The following GNPDA1 variants were observed in gnomAD, a reference collection of about 807,000 sequenced individuals.
The protein encoded by GNPDA1 is GNPDA 1.
In GNPDA1, 24 loss-of-function variants were observed where a neutral mutation model predicts 28.5. The observed-to-expected ratio is 0.84, with a 90% CI of 0.61 to 1.19. The LOEUF (loss-of-function observed/expected upper bound fraction) is 1.19, where lower values mean the gene tolerates loss of function less well. Among genes scored for constraint, GNPDA1 ranks in the 50% most tolerant of loss-of-function variants. The probability of loss-of-function intolerance (pLI) is 0.00; values close to 1 mark genes in which losing one functional copy is unlikely to be tolerated. For synonymous variants in GNPDA1, 147 were observed against 139.3 expected (o/e 1.06, Z -0.39); for missense variants, 264 against 367.3 (o/e 0.72, Z 2.30).
chr5:142,005,230 C>T, intron 4 of GNPDA1, 114 bp from the exon 5 acceptor site: 1 of 786,814 alleles, frequency 1.3e-6, no homozygotes. Context: ...AAAGCTGTGT[C>T]ACCTTTCTCA....
rs1187246142 is a variant in GNPDA1 at position 142,006,276 on chromosome 5, AGTT to A, written c.274_276del (p.Asn92del). ...GGGTGGATGTCAATGTGCTTGAAGA[AGTT>A]GTTCCACATGAAGGAGTGGTAACTC... On this transcript the variant is annotated inframe_deletion, in exon 4 of 7. Coordinates refer to ENST00000311337, the MANE Select transcript of GNPDA1 (RefSeq NM_005471.5). The A allele has an allele frequency of 6.2e-7, 1 of 1,614,098 alleles. No individual in the cohort carries two copies. Among genetic ancestry groups the A allele is most frequent in the Non-Finnish European group, 8.5e-7 (1 of 1,179,960 alleles).
chr5:142,009,536 C>G (rs980909959), intron 2 of GNPDA1, among the ~76,000 whole-genome samples: 1 of 152,132 alleles, frequency 6.6e-6, no homozygotes, highest in African/African-American at 2.4e-5. Flanking sequence ...ATTGCTGTAT[C>G]CTTAGAGGCT....
In GNPDA1 at chr5:142,006,205, T is replaced by G; in HGVS notation, c.348A>C (p.Ala116=). ...TCTTCTCTTCAAAGGCATCACATTC[T>G]GCCTGTAGGTCGACTGCATTCCCAT... ...ILDGNAVDLQ[A]ECDAFEEKIK... is the part of the protein sequence containing the mutation. Residue 116 remains alanine (A), a synonymous_variant, in exon 4 of 7, where the codon GCA becomes GCC. Transcript: ENST00000311337. 7 of 1,614,220 alleles carry G rather than the reference T, an allele frequency of 4.3e-6. No individual in the cohort carries two copies. Among genetic ancestry groups the G allele is most frequent in the Non-Finnish European group, 5.9e-6 (7 of 1,180,022 alleles).
At chr5:142,002,996 TA>T in intron 6 of GNPDA1, 91 bp downstream of exon 6, 1 of 1,009,556 alleles carries the variant, frequency 9.9e-7, no homozygotes, top group Non-Finnish European at 1.5e-6. Context: ...AGTTGTCAAT[TA>T]AAATGACCAG....
Position 142,005,006 on chromosome 5 carries a change from A to C in GNPDA1, c.520T>G (p.Phe174Val), listed in dbSNP as rs1257210564. 6.2e-7 allele frequency: 1 copy of C among 1,613,526 alleles called. No homozygotes were observed. Among genetic ancestry groups the C allele is most frequent in the African/African-American group, 1.3e-5 (1 of 74,918 alleles). Residue 174 changes from phenylalanine to valine, a missense_variant, in exon 5 of 7, where the codon TTC becomes GTC. Phe to Val is a conservative substitution (Grantham distance 50). Transcript: ENST00000311337. ...GGCACCTTGGTGAGTTCTCCATCGA[A>C]GAACCTAGCATTGGCCAGGATGGTA... ...MDTILANARF[F>V]DGELTKVPTM...
intron 5 of GNPDA1, among the ~76,000 whole-genome samples, chr5:142,004,375 A>C (rs577919416): frequency 1.3e-5 from 2 of 152,396 alleles, no homozygotes; most frequent in East Asian, 3.8e-4. Context: ...AAATGCTTCT[A>C]AAGTTCTAAT....
In GNPDA1 at chr5:142,006,266, T is replaced by G. The variant is rs779438309; in HGVS notation, c.287A>C (p.His96Pro). The change falls in exon 4 of 7, where the codon CAC becomes CCC. Residue 96 changes from histidine to proline, a missense_variant. Transcript: ENST00000311337. Reference protein sequence around the residue: ...HSFMWNNFFKHIDIHPENTHI... With the variant: ...HSFMWNNFFKPIDIHPENTHI... ...GGTGTTTTCTGGGTGGATGTCAATG[T>G]GCTTGAAGAAGTTGTTCCACATGAA... The G allele has an allele frequency of 1.2e-6, 2 of 1,613,986 alleles. No homozygotes were observed. Among genetic ancestry groups the G allele is most frequent in the African/African-American group, 2.7e-5 (2 of 74,946 alleles).
chr5:142,009,783 T>C (rs1755899199), intron 2 of GNPDA1, among the ~76,000 whole-genome samples: 2 of 152,196 alleles, frequency 1.3e-5, no homozygotes, highest in South Asian at 4.1e-4. Context: ...GGAGTTGGTT[T>C]CTGTGGTTTC....
chr5:142,006,359 G>T (rs912751027), intron 3 of GNPDA1, 33 bp from the exon 4 acceptor site: 4 of 1,552,302 alleles, frequency 2.6e-6, no homozygotes, highest in Non-Finnish European at 3.5e-6. Flanking sequence ...GTTATGCCTA[G>T]GCCAAGCCAA....
At chr5:142,009,708 T>C (rs1755897531) in intron 2 of GNPDA1, among the ~76,000 whole-genome samples, 1 of 152,182 alleles carries the variant, frequency 6.6e-6, no homozygotes, top group Non-Finnish European at 1.5e-5. Flanking sequence ...ACTTCTAGCC[T>C]TCCCATGAAT....
In GNPDA1 at chr5:142,011,958, C is replaced by T. The variant is rs571329177; in HGVS notation, c.78G>A (p.Gln26=). The change falls in exon 2 of 7, where the codon CAG becomes CAA. Residue 26 remains glutamine, a synonymous_variant. Transcript: ENST00000311337. ...AGTACTTCTCTGGCCCTGGGTTAAA[C>T]TGGATGATGCGGTTCCTGATGTATT... ...AAKYIRNRII[Q]FNPGPEKYFT... The T allele has an allele frequency of 1.2e-6, 2 of 1,614,040 alleles. No individual in the cohort carries two copies. Among genetic ancestry groups the T allele is most frequent in the African/African-American group, 2.7e-5 (2 of 75,044 alleles).
intron 2 of GNPDA1, among the ~76,000 whole-genome samples, chr5:142,010,006 T>A (rs1755904494): frequency 6.6e-6 from 1 of 152,168 alleles, no homozygotes; most frequent in South Asian, 2.1e-4. Flanking sequence ...CATACAGAGG[T>A]TGGGTCTCTC....
intron 4 of GNPDA1, 85 bp from the exon 5 acceptor site, chr5:142,005,201 G>T (rs1034189383): frequency 1.9e-6 from 2 of 1,080,668 alleles, no homozygotes; most frequent in Non-Finnish European, 2.7e-6. Flanking sequence ...CCTAACTAGG[G>T]TCTGAAGAAA....
chr5:142,008,098 G>A (rs1455229868), intron 2 of GNPDA1, among the ~76,000 whole-genome samples, 198 bp from the exon 3 acceptor site: 2 of 152,254 alleles, frequency 1.3e-5, no homozygotes, highest in Non-Finnish European at 2.9e-5. Context: ...GTAAGCTCCA[G>A]GAGGGCAGGA....
Position 142,003,167 on chromosome 5 carries a change from C to G in GNPDA1, c.690G>C (p.Gln230His). The stretch of plus-strand genomic sequence containing the variant: ...ACACAAACACGGTGCGGGGATGCTG[C>G]TGGAAGGCAGACACGGTCCACATGT... ...VNHMWTVSAF[Q>H]QHPRTVFVCD... The change falls in exon 6 of 7, where the codon CAG becomes CAC. Residue 230 changes from glutamine to histidine, a missense_variant. By Grantham distance (24) the Gln-to-His change is conservative. Coordinates refer to ENST00000311337, the MANE Select transcript of GNPDA1 (RefSeq NM_005471.5). The surrounding 1 kb of genome is among the most constrained non-coding windows in gnomAD (Gnocchi z 4.0). 1 of 1,614,120 alleles carries G rather than the reference C, an allele frequency of 6.2e-7. No individual in the cohort carries two copies. The highest frequency in any genetic ancestry group is 8.5e-7 in the Non-Finnish European group (1 of 1,180,000).
intron 2 of GNPDA1, among the ~76,000 whole-genome samples, chr5:142,008,880 G>GA (rs1013403332): frequency 1.3e-5 from 2 of 152,130 alleles, no homozygotes; most frequent in Non-Finnish European, 2.9e-5. Context: ...GGACAATTGA[G>GA]AAAAAATTGT....
At chr5:142,011,226 A>C (rs1427618764) in intron 2 of GNPDA1, among the ~76,000 whole-genome samples, 1 of 140,768 alleles carries the variant, frequency 7.1e-6, no homozygotes, top group African/African-American at 2.7e-5. Context: ...CTGGACTGCA[A>C]GGAAGACCAA....
In GNPDA1 at chr5:142,003,368, A is replaced by G; in HGVS notation, c.595-106T>C. On this transcript the variant is annotated intron_variant, in intron 5 of 6. Coordinates refer to ENST00000311337, the MANE Select transcript of GNPDA1 (RefSeq NM_005471.5). The surrounding 1 kb of genome is among the most constrained non-coding windows in gnomAD (Gnocchi z 4.0). ...ATCACATTGTAAGTGGTTACCATGC[A>G]ACATACTTTTGCTCAGTGCTCCCTG... 1.3e-6 allele frequency: 1 copy of G among 752,194 alleles called. No individual in the cohort carries two copies. Among genetic ancestry groups the G allele is most frequent in the Non-Finnish European group, 2.2e-6 (1 of 458,438 alleles). The allele number at this position is 752,194 out of a possible 1,614,324, so 46.6% of individuals were successfully genotyped here.
At position 142,005,070 on chromosome 5, in the gene GNPDA1, ACTGGAGC is replaced by A; in HGVS notation, c.449_455del (p.Gly150ValfsTer8). The A allele has an allele frequency of 6.2e-7, 1 of 1,612,322 alleles. No homozygotes were observed. The highest frequency in any genetic ancestry group is 8.5e-7 in the Non-Finnish European group (1 of 1,178,516). On this transcript the variant is annotated frameshift_variant, in exon 5 of 7. Coordinates refer to ENST00000311337, the MANE Select transcript of GNPDA1 (RefSeq NM_005471.5). LOFTEE classifies it high-confidence loss of function. ...TCTTCACACGGGTCCTGGACACCAGACTGGAGCCTGGCTCGTTGAAGGCAATGTGTCC... is the reference window on the plus strand; with the variant it reads ...TCTTCACACGGGTCCTGGACACCAGACTGGCTCGTTGAAGGCAATGTGTCC...
Sources: allele counts gnomAD v4.1 joint callset (sites outside exome capture counted in the v4.1 genomes callset), GRCh38; gene constraint gnomAD v4.1.1; non-coding constraint Gnocchi (gnomAD v3.1); transcripts MANE v1.5; gene names NCBI Gene and HGNC (gene_info 2026-07-23, HGNC 2026-07-21).